The following IGSF21 variants were observed in gnomAD, a reference collection of about 807,000 sequenced individuals.
IGSF21 encodes the protein immunoglobulin superfamily member 21.
Under a neutral mutation model 46.8 loss-of-function variants are expected in IGSF21, and 28 were observed. The observed-to-expected ratio is 0.60, with a 90% CI of 0.44 to 0.82. The LOEUF (loss-of-function observed/expected upper bound fraction) is 0.82, where lower values mean the gene tolerates loss of function less well. Among genes scored for constraint, IGSF21 ranks in the 40% least tolerant of loss-of-function variants. IGSF21 has a pLI of 0.00. For synonymous variants in IGSF21, 284 were observed against 273.6 expected (o/e 1.04, Z -0.38); for missense variants, 624 against 665.5 (o/e 0.94, Z 0.69).
rs1017368962 is a variant in IGSF21 at position 18,333,380 on chromosome 1, T to C, written c.306-1512T>C. ...AGGCCAAGGCTCCTTCCCATCCAAG[T>C]GTCCAGATTCCACTTGCCAGGAATT... On this transcript the variant is annotated intron_variant, in intron 3 of 9. Transcript: ENST00000251296. 2.0e-5 allele frequency among the ~76,000 whole-genome samples: 3 copies of C among 152,174 alleles called. No homozygotes were observed. The South Asian group carries it at 6.2e-4, about 32-fold the overall frequency.
chr1:18,356,363 C>T (rs1481607042), intron 4 of IGSF21, among the ~76,000 whole-genome samples: 1 of 152,138 alleles, frequency 6.6e-6, no homozygotes, highest in African/African-American at 2.4e-5. Context: ...AAATGAGGCA[C>T]TGATGGTGGG....
At chr1:18,164,710 C>A (rs1317162120) in intron 1 of IGSF21, among the ~76,000 whole-genome samples, 2 of 151,444 alleles carry the variant, frequency 1.3e-5, no homozygotes, top group Non-Finnish European at 2.9e-5. Context: ...ATATTTGTTC[C>A]TTTGTTGGTA....
intron 4 of IGSF21, among the ~76,000 whole-genome samples, chr1:18,357,050 T>C (rs1305359347): frequency 7.1e-6 from 1 of 141,318 alleles, no homozygotes; most frequent in Non-Finnish European, 1.5e-5. Flanking sequence ...GAAGGGGATG[T>C]GGATGAGGAT....
chr1:18,206,375 C>T (rs1457156547), intron 1 of IGSF21, among the ~76,000 whole-genome samples: 1 of 151,868 alleles, frequency 6.6e-6, no homozygotes, highest in Non-Finnish European at 1.5e-5. Context: ...ATAATGACAC[C>T]CTCATCTCTA....
At chr1:18,181,471 G>T (rs1295016159) in intron 1 of IGSF21, among the ~76,000 whole-genome samples, 1 of 152,098 alleles carries the variant, frequency 6.6e-6, no homozygotes, top group Non-Finnish European at 1.5e-5. Flanking sequence ...ATTGTGCTGG[G>T]GATTAAATGA....
chr1:18,215,453 C>T (rs1382283995), intron 1 of IGSF21, among the ~76,000 whole-genome samples: 2 of 152,150 alleles, frequency 1.3e-5, no homozygotes, highest in Non-Finnish European at 2.9e-5. Flanking sequence ...GAGAGGGCCA[C>T]CTAACCCAGA....
At chr1:18,366,021 A>C (rs1306610675) in intron 6 of IGSF21, among the ~76,000 whole-genome samples, 1 of 151,878 alleles carries the variant, frequency 6.6e-6, no homozygotes, top group Non-Finnish European at 1.5e-5. Context: ...GATCAGGAAC[A>C]TGGGAGGTCT....
At chr1:18,227,250 A>G (rs188349353) in intron 1 of IGSF21, among the ~76,000 whole-genome samples, 19 of 152,190 alleles carry the variant, frequency 1.2e-4, no homozygotes, top group African/African-American at 2.4e-4. Flanking sequence ...AAGGAAGCCA[A>G]TGGTGGTTTC....
intron 1 of IGSF21, among the ~76,000 whole-genome samples, chr1:18,182,107 A>G (rs2086862707): frequency 6.6e-6 from 1 of 150,978 alleles, no homozygotes; most frequent in Non-Finnish European, 1.5e-5. Flanking sequence ...TGTCCAGCAG[A>G]CCAAGCTTTC....
At chr1:18,375,696 TAGAA>T (rs756130331) in intron 6 of IGSF21, among the ~76,000 whole-genome samples, 6 of 152,172 alleles carry the variant, frequency 3.9e-5, no homozygotes, top group Admixed American at 2.6e-4. Flanking sequence ...ATTAACCTGT[TAGAA>T]AGAGCACTGA....
chr1:18,295,484 A>C (rs2085303773), intron 3 of IGSF21, among the ~76,000 whole-genome samples: 1 of 152,138 alleles, frequency 6.6e-6, no homozygotes, highest in African/African-American at 2.4e-5. Context: ...GTGATTCTAA[A>C]CCATGGGCGT....
chr1:18,359,134 C>T (rs1041602492), intron 4 of IGSF21, among the ~76,000 whole-genome samples: 7 of 151,352 alleles, frequency 4.6e-5, no homozygotes, highest in South Asian at 4.2e-4. Context: ...ACAAAACAGG[C>T]GTGGTGGCAC....
At chr1:18,229,290 C>T (rs1174025991) in intron 2 of IGSF21, among the ~76,000 whole-genome samples, 1 of 150,396 alleles carries the variant, frequency 6.6e-6, no homozygotes, top group Non-Finnish European at 1.5e-5. Flanking sequence ...TCCTCTGCTC[C>T]TTGGAGCTGT....
At chr1:18,124,475 T>A (rs2086259075) in intron 1 of IGSF21, among the ~76,000 whole-genome samples, 1 of 152,226 alleles carries the variant, frequency 6.6e-6, no homozygotes, top group Non-Finnish European at 1.5e-5. Context: ...GCCTGCTTCC[T>A]GTACTCTCTG....
At chr1:18,169,621 CT>C (rs1274555568) in intron 1 of IGSF21, among the ~76,000 whole-genome samples, 1 of 152,224 alleles carries the variant, frequency 6.6e-6, no homozygotes, top group East Asian at 1.9e-4. Flanking sequence ...CTGAAGCCCC[CT>C]GCCCCCAGCC....
intron 3 of IGSF21, among the ~76,000 whole-genome samples, chr1:18,332,429 G>A (rs2124604230): frequency 1.3e-5 from 2 of 151,694 alleles, no homozygotes; most frequent in Non-Finnish European, 2.9e-5. Flanking sequence ...GTCACCAAGT[G>A]CAAATTCTGC....
intron 4 of IGSF21, among the ~76,000 whole-genome samples, chr1:18,338,923 C>T (rs751727106): frequency 6.6e-5 from 10 of 152,170 alleles, no homozygotes; most frequent in Admixed American, 1.3e-4. Flanking sequence ...GTTAAGGGTG[C>T]GCTGTTACAA....
At chr1:18,315,576 G>GAT (rs60700199) in intron 3 of IGSF21, among the ~76,000 whole-genome samples, 43 of 152,112 alleles carry the variant, frequency 2.8e-4, no homozygotes, top group African/African-American at 4.3e-4. Flanking sequence ...TGGATGGATG[G>GAT]GTGGATGGGT....
chr1:18,213,893 C>A (rs573062008), intron 1 of IGSF21, among the ~76,000 whole-genome samples: 1 of 152,166 alleles, frequency 6.6e-6, no homozygotes, highest in African/African-American at 2.4e-5. Context: ...CCCTGCCCAA[C>A]ACTTCAAAGG....
Sources: gnomAD v4.1 joint callset for allele counts (sites outside exome capture counted in the v4.1 genomes callset) on GRCh38, gnomAD v4.1.1 for gene constraint, MANE v1.5 for transcripts, NCBI Gene and HGNC (gene_info 2026-07-23, HGNC 2026-07-21) for gene names.